The following SLIT1 variants were observed in gnomAD, a reference collection of about 807,000 sequenced individuals.
SLIT1 encodes slit homolog 1 protein.
In SLIT1, 66 loss-of-function variants were observed where a neutral mutation model predicts 186.1. The observed-to-expected ratio is 0.35, with a 90% confidence interval of 0.29 to 0.44. The LOEUF (loss-of-function observed/expected upper bound fraction) is 0.44. SLIT1 is among the 20% of genes least tolerant of loss of function. The pLI, the probability that SLIT1 is intolerant of heterozygous loss-of-function variation, is 1.00. For missense variants in SLIT1, 1,638 were observed against 2,037.4 expected (o/e 0.80, Z 3.77); for synonymous variants, 761 against 833.8 (o/e 0.91, Z 1.50).
At chr10:97,179,808 C>CCA (rs1554855927) in intron 1 of SLIT1, among the ~76,000 whole-genome samples, 1 of 149,992 alleles carries the variant, frequency 6.7e-6, no homozygotes, top group African/African-American at 2.4e-5. Context: ...CCTCCCCGCC[C>CCA]CCCGGCACAG....
At chr10:97,011,725 C>A (rs1001958629) in intron 30 of SLIT1, among the ~76,000 whole-genome samples, 1 of 152,162 alleles carries the variant, frequency 6.6e-6, no homozygotes, top group Admixed American at 6.5e-5. Context: ...AAAGGATGCA[C>A]TCCTGTAGCC....
At chr10:97,101,958 G>A (rs769335313) in intron 4 of SLIT1, 4 of 152,168 alleles carry the variant, frequency 2.6e-5, no homozygotes, top group African/African-American at 4.8e-5. Flanking sequence ...CTGCCCTCAG[G>A]GTGATCCCTA....
intron 27 of SLIT1, 139 bp from the exon 28 acceptor site, chr10:97,018,822 T>C (rs1033827140): frequency 3.3e-6 from 2 of 600,158 alleles, no homozygotes; most frequent in African/African-American, 2.5e-5. Flanking sequence ...GTCCACTTCA[T>C]TCATTCATTC....
intron 11 of SLIT1, among the ~76,000 whole-genome samples, chr10:97,058,657 G>A (rs918002556): frequency 5.3e-5 from 8 of 152,216 alleles, no homozygotes; most frequent in Non-Finnish European, 1.0e-4. Flanking sequence ...GCAGGCTCCT[G>A]CACTCCCCGG....
chr10:97,027,752 C>T (rs187002795), intron 25 of SLIT1, among the ~76,000 whole-genome samples: 1 of 152,264 alleles, frequency 6.6e-6, no homozygotes, highest in Non-Finnish European at 1.5e-5. Flanking sequence ...TTGCTTAAAA[C>T]ATATGTTGTT....
chr10:97,073,834 T>C (rs982593844), intron 4 of SLIT1, among the ~76,000 whole-genome samples: 2 of 152,178 alleles, frequency 1.3e-5, no homozygotes, highest in Admixed American at 6.5e-5. Context: ...GCGGCACTTA[T>C]GTTGCAGGAT....
At chr10:97,076,413 C>G (rs930315839) in intron 4 of SLIT1, among the ~76,000 whole-genome samples, 46 of 152,152 alleles carry the variant, frequency 3.0e-4, no homozygotes, top group African/African-American at 1.1e-3. Context: ...CAGAGATGCT[C>G]CTGGGATCTC....
In SLIT1 at chr10:96,998,596, A is replaced by C. The variant is rs955129089; in HGVS notation, c.*2516T>G. On this transcript the variant is annotated 3_prime_UTR_variant, in exon 37 of 37. Transcript: ENST00000266058. ...TTCCGGACTTTCAAGCGGAGTGTGA[A>C]TAGGCAACGTGAGTGCTGACTCAGG... 2.0e-5 allele frequency: 3 copies of C among 152,304 alleles called. No homozygotes were observed. Among genetic ancestry groups the C allele is most frequent in the African/African-American group, 7.2e-5 (3 of 41,462 alleles). 9.4% of individuals were successfully genotyped at this position (152,304 alleles called of 1,614,324 possible). A position where few individuals can be genotyped will look rare whatever the true frequency, so the allele number is the denominator to read the frequency against.
chr10:97,040,481 GCATCGCC>G (rs527936060), intron 20 of SLIT1, among the ~76,000 whole-genome samples: 43 of 152,290 alleles, frequency 2.8e-4, no homozygotes, highest in Non-Finnish European at 5.0e-4. Context: ...TAGGGGTGCA[GCATCGCC>G]CCTAGAATGC....
intron 4 of SLIT1, among the ~76,000 whole-genome samples, chr10:97,120,175 G>A (rs138211661): frequency 1.3e-5 from 2 of 152,042 alleles, no homozygotes; most frequent in East Asian, 1.9e-4. Context: ...AGCTAGTAAG[G>A]TGCAGGGTCA....
chr10:97,125,251 C>A (rs567970731), intron 4 of SLIT1, among the ~76,000 whole-genome samples: 2 of 151,682 alleles, frequency 1.3e-5, no homozygotes, highest in African/African-American at 4.8e-5. Flanking sequence ...CAGAGTCAGA[C>A]AAACAAGGAC....
chr10:97,094,752 GA>G (rs1849269385), intron 4 of SLIT1, among the ~76,000 whole-genome samples: 1 of 152,144 alleles, frequency 6.6e-6, no homozygotes, highest in African/African-American at 2.4e-5. Flanking sequence ...ATCAATCTAT[GA>G]CAAAATGAAT....
intron 25 of SLIT1, 139 bp downstream of exon 25, chr10:97,030,618 A>T: frequency 2.9e-6 from 2 of 684,398 alleles, no homozygotes; most frequent in Non-Finnish European, 5.3e-6. Flanking sequence ...GAGTCCCAGA[A>T]GGTGCACGTG....
chr10:97,029,286 G>T lies in SLIT1; in HGVS notation c.2582+1471C>A, dbSNP rs531340546. On this transcript the variant is annotated intron_variant, in intron 25 of 36. Coordinates refer to ENST00000266058, the MANE Select transcript of SLIT1 (RefSeq NM_003061.3). ...ACACTCTGGTTTTAGAGTTTAAAAT[G>T]TAGAAAAGGTGAGTCTTAGAGAAAA... 2.0e-5 allele frequency among the ~76,000 whole-genome samples: 3 copies of T among 152,348 alleles called. No individual in the cohort carries two copies. The East Asian group carries it at 5.8e-4, about 29-fold the overall frequency.
intron 4 of SLIT1, among the ~76,000 whole-genome samples, chr10:97,099,689 A>G (rs1394957500): frequency 1.3e-5 from 2 of 152,138 alleles, no homozygotes; most frequent in East Asian, 3.9e-4. Flanking sequence ...ATCCAGCTTG[A>G]TGGTCCCCTG....
intron 11 of SLIT1, chr10:97,057,736 T>C (rs1848854503): frequency 2.2e-6 from 1 of 456,914 alleles, no homozygotes; most frequent in Non-Finnish European, 3.9e-6. Flanking sequence ...ATCCGGATGG[T>C]GGGACTTCAA....
intron 26 of SLIT1, among the ~76,000 whole-genome samples, chr10:97,020,290 TC>T (rs1311977240): frequency 6.6e-6 from 1 of 152,174 alleles, no homozygotes; most frequent in African/African-American, 2.4e-5. Flanking sequence ...TGTTTCTTGA[TC>T]CAGGTGCAGG....
At chr10:97,166,585 A>AAG (rs1340296093) in intron 1 of SLIT1, among the ~76,000 whole-genome samples, 1 of 91,250 alleles carries the variant, frequency 1.1e-5, no homozygotes. Context: ...GAAAGAAAGA[A>AAG]AGAAAGAAAG....
At chr10:97,018,883 C>G (rs1648179204) in intron 27 of SLIT1, 100 bp downstream of exon 27, 1 of 704,110 alleles carries the variant, frequency 1.4e-6, no homozygotes, top group Non-Finnish European at 2.5e-6. Context: ...CAGGTTCACT[C>G]AAGCATCTGC....
Sources: allele counts gnomAD v4.1 joint callset (sites outside exome capture counted in the v4.1 genomes callset), GRCh38; gene constraint gnomAD v4.1.1; transcripts MANE v1.5; gene names NCBI Gene and HGNC (gene_info 2026-07-23, HGNC 2026-07-21).